TNPO1: variants seen among roughly 807,000 people sequenced by gnomAD.
TNPO1 encodes the protein transportin-1.
A neutral mutation model predicts 119.5 loss-of-function variants in TNPO1; 8 were observed. That is an observed-to-expected ratio of 0.07 (90% CI 0.04 to 0.12). TNPO1 has a LOEUF of 0.12. Ranked by LOEUF, TNPO1 falls within the 10% of genes least tolerant of loss-of-function variation. TNPO1 has a pLI of 1.00. For missense variants in TNPO1, 576 were observed against 1,089.8 expected (o/e 0.53, Z 6.64); for synonymous variants, 362 against 363.0 (o/e 1.00, Z 0.03).
At chr5:72,816,831 C>T (rs1262104855) in intron 1 of TNPO1, 79 bp downstream of exon 1, 13 of 1,495,454 alleles carry the variant, frequency 8.7e-6, no homozygotes, top group Non-Finnish European at 1.2e-5. Context: ...CCTGACGCGC[C>T]TACGGGAGAG....
At chr5:72,840,082 T>A (rs940597704) in intron 1 of TNPO1, among the ~76,000 whole-genome samples, 2 of 152,180 alleles carry the variant, frequency 1.3e-5, no homozygotes, top group Admixed American at 1.3e-4. Flanking sequence ...CGTTGAATTA[T>A]TGGTGATGCA....
At chr5:72,885,771 T>C (rs1161168626) in intron 11 of TNPO1, among the ~76,000 whole-genome samples, 1 of 150,514 alleles carries the variant, frequency 6.6e-6, no homozygotes, top group East Asian at 2.0e-4. Flanking sequence ...GAGGATTTTA[T>C]TATTGTCTAG....
At chr5:72,880,740 C>T (rs1490802716) in intron 9 of TNPO1, among the ~76,000 whole-genome samples, 2 of 143,072 alleles carry the variant, frequency 1.4e-5, no homozygotes, top group South Asian at 2.3e-4. Flanking sequence ...AGCTTGAACC[C>T]GGGAAGTGGA....
At chr5:72,862,934 C>G (rs533568385) in intron 5 of TNPO1, among the ~76,000 whole-genome samples, 61 of 152,054 alleles carry the variant, frequency 4.0e-4, no homozygotes, top group Non-Finnish European at 8.2e-4. Flanking sequence ...AGGTGTGAGC[C>G]ACTGCGCCGG....
At chr5:72,853,329 T>C (rs1049138644) in intron 3 of TNPO1, among the ~76,000 whole-genome samples, 20 of 152,180 alleles carry the variant, frequency 1.3e-4, no homozygotes, top group African/African-American at 4.6e-4. Flanking sequence ...GTGGTCCCGC[T>C]ACTCAGGAGG....
intron 9 of TNPO1, among the ~76,000 whole-genome samples, chr5:72,879,657 G>A (rs1244962923): frequency 6.6e-6 from 1 of 152,214 alleles, no homozygotes; most frequent in East Asian, 1.9e-4. Flanking sequence ...ACGGTACCCA[G>A]TGGGAGCCAC....
chr5:72,896,241 T>C lies in TNPO1; in HGVS notation c.2144-217T>C, dbSNP rs140744988. ...TGGCCAGATACTGTTTTCTTCAGTT[T>C]CTTAAGATAAACATTACCAACTCCT... On this transcript the variant is annotated intron_variant, in intron 18 of 24. Transcript: ENST00000337273. 5.0e-3 allele frequency among the ~76,000 whole-genome samples: 758 copies of C among 152,310 alleles called. 5 individuals are homozygous for C. Among genetic ancestry groups the C allele is most frequent in the Middle Eastern group, 0.024 (7 of 294 alleles).
At chr5:72,874,183 A>G (rs1747605598) in intron 7 of TNPO1, among the ~76,000 whole-genome samples, 2 of 152,278 alleles carry the variant, frequency 1.3e-5, no homozygotes, top group South Asian at 2.1e-4. Context: ...GATTTAGCCA[A>G]TTCTCTACCC....
chr5:72,882,346 T>G lies in TNPO1; in HGVS notation c.921-121T>G, dbSNP rs1420767870. ...GAGCAGACATATATCACTGAATAAG[T>G]TCAAAGACAATATTACCATTGATTA... On this transcript the variant is annotated intron_variant, in intron 9 of 24. Transcript: ENST00000337273. The G allele has an allele frequency of 4.6e-6, 3 of 658,532 alleles. No homozygotes were observed. The East Asian group carries it at 8.2e-5, about 18-fold the overall frequency. The allele number at this position is 658,532 out of a possible 1,614,324, so 40.8% of individuals were successfully genotyped here.
At chr5:72,876,683 TATC>T (rs1302166696) in intron 8 of TNPO1, among the ~76,000 whole-genome samples, 32 of 152,140 alleles carry the variant, frequency 2.1e-4, no homozygotes, top group African/African-American at 7.0e-4. Context: ...ATCTCAGTAG[TATC>T]ATAAAAAAAC....
chr5:72,877,435 G>A (rs1747878930), intron 9 of TNPO1, 89 bp downstream of exon 9: 1 of 696,510 alleles, frequency 1.4e-6, no homozygotes, highest in Non-Finnish European at 2.3e-6. Flanking sequence ...TCATTCTTTT[G>A]CCATCAGGGA....
At chr5:72,879,883 C>A (rs1198100819) in intron 9 of TNPO1, among the ~76,000 whole-genome samples, 1 of 152,210 alleles carries the variant, frequency 6.6e-6, no homozygotes, top group Middle Eastern at 3.4e-3. Context: ...TAAATATAAA[C>A]TCATTTAGAA....
rs1288961015 is a variant in TNPO1, at chr5:72,848,471, C to T, written c.102C>T (p.Asp34=). The change falls in exon 2 of 25, where the codon GAC becomes GAT. Residue 34 remains aspartate, a synonymous_variant. Transcript: ENST00000337273. Reference sequence around the variant, plus strand: ...TGTTGAAGGAGTCCCAGTCCCCAGACACCACCATCCAGAGAACCGTGCAAC... The same window carrying T: ...TGTTGAAGGAGTCCCAGTCCCCAGATACCACCATCCAGAGAACCGTGCAAC... ...LQLLKESQSP[D]TTIQRTVQQK... 6.2e-7 allele frequency: 1 copy of T among 1,610,094 alleles called. No individual in the cohort carries two copies. The highest frequency in any genetic ancestry group is 8.5e-7 in the Non-Finnish European group (1 of 1,177,912).
chr5:72,839,682 G>A (rs1744828511), intron 1 of TNPO1, among the ~76,000 whole-genome samples: 1 of 152,048 alleles, frequency 6.6e-6, no homozygotes, highest in Non-Finnish European at 1.5e-5. Flanking sequence ...TCTGTTTTCT[G>A]TTATTTCTAA....
chr5:72,872,619 AT>A lies in TNPO1; in HGVS notation c.597-16del. 6.4e-7 allele frequency: 1 copy of A among 1,573,600 alleles called. No individual in the cohort carries two copies. The highest frequency in any genetic ancestry group is 8.7e-7 in the Non-Finnish European group (1 of 1,153,812). On this transcript the variant is annotated intron_variant, in intron 6 of 24. Transcript: ENST00000337273. Reference sequence around the variant, plus strand: ...CAAAGTTACAATGAGCATATGTTAAATTTTAAACTTTGTTTCTAGGTCTCAC... The same window carrying A: ...CAAAGTTACAATGAGCATATGTTAAATTTAAACTTTGTTTCTAGGTCTCAC...
In TNPO1 at chr5:72,816,751, G is replaced by A. The variant is rs770439001; in HGVS notation, c.14G>A (p.Arg5Gln). The A allele has an allele frequency of 1.1e-5, 17 of 1,585,418 alleles. No individual in the cohort carries two copies. Among genetic ancestry groups the A allele is most frequent in the Non-Finnish European group, 1.5e-5 (17 of 1,167,822 alleles). The change falls in exon 1 of 25, where the codon CGG becomes CAG. Residue 5 changes from arginine (R) to glutamine (Q), a missense_variant and splice_region_variant. Arg to Gln is a conservative substitution (Grantham distance 43). Transcript: ENST00000337273. MVWD[R>Q]QTKMEYEWKP... ...GAGGCGTCTGGGATGGTGTGGGACC[G>A]GGTAGGTGGCGTGAGGGTGCGCGGC... is the stretch of plus-strand genomic sequence containing the variant.
chr5:72,836,583 A>G (rs1744702430), intron 1 of TNPO1, among the ~76,000 whole-genome samples: 1 of 152,174 alleles, frequency 6.6e-6, no homozygotes, highest in South Asian at 2.1e-4. Context: ...CTTTTGGTTC[A>G]TTTGTTCATT....
At chr5:72,882,663 A>G in intron 10 of TNPO1, 136 bp downstream of exon 10, 1 of 593,322 alleles carries the variant, frequency 1.7e-6, no homozygotes, top group East Asian at 2.7e-5. Flanking sequence ...ATAGGATAGA[A>G]GCATAAGTTT....
intron 10 of TNPO1, among the ~76,000 whole-genome samples, chr5:72,882,819 C>G (rs1052757473): frequency 1.3e-5 from 2 of 152,086 alleles, no homozygotes; most frequent in African/African-American, 4.8e-5. Context: ...TTAGATTATA[C>G]CAGCCAGTGG....
Sources: allele counts gnomAD v4.1 joint callset (sites outside exome capture counted in the v4.1 genomes callset), GRCh38; gene constraint gnomAD v4.1.1; transcripts MANE v1.5; gene names NCBI Gene and HGNC (gene_info 2026-07-23, HGNC 2026-07-21).